The following PRKCE variants were observed in gnomAD, a reference collection of about 807,000 sequenced individuals.
PRKCE encodes the protein protein kinase C epsilon type.
A neutral mutation model predicts 85.4 loss-of-function variants in PRKCE; 16 were observed. The ratio of observed to expected loss-of-function variants is 0.19; its 90% CI spans 0.13 to 0.28. PRKCE has a LOEUF of 0.28. Among genes scored for constraint, PRKCE ranks in the 10% least tolerant of loss-of-function variants. PRKCE has a pLI of 1.00. For synonymous variants in PRKCE, 388 were observed against 371.5 expected (o/e 1.04, Z -0.51); for missense variants, 573 against 975.2 (o/e 0.59, Z 5.49).
chr2:46,083,426 T>C lies in PRKCE; in HGVS notation c.1438-2782T>C, dbSNP rs1318628788. Among the ~76,000 whole-genome samples the C allele has an allele frequency of 2.6e-5, 4 of 152,162 alleles. No homozygotes were observed. In the East Asian group the frequency reaches 7.7e-4, roughly 29 times the overall value. ...TAGAATAAAAAGCATCCAGGGAGGA[T>C]GATGGGGAGGGGAGATTTTTTCCCC... On this transcript the variant is annotated intron_variant, in intron 10 of 14. Coordinates refer to ENST00000306156, the MANE Select transcript of PRKCE (RefSeq NM_005400.3).
intron 10 of PRKCE, among the ~76,000 whole-genome samples, chr2:46,071,732 A>G (rs1404815742): frequency 1.3e-5 from 2 of 152,238 alleles, no homozygotes; most frequent in African/African-American, 2.4e-5. Context: ...TAACGAATTT[A>G]TGTGTTTAGA....
intron 2 of PRKCE, among the ~76,000 whole-genome samples, chr2:45,843,798 G>A (rs1246593396): frequency 1.3e-5 from 2 of 152,236 alleles, no homozygotes; most frequent in African/African-American, 2.4e-5. Context: ...GGACTGAAAT[G>A]TAGTTATTGT....
At chr2:45,886,687 A>G (rs1292126851) in intron 2 of PRKCE, among the ~76,000 whole-genome samples, 1 of 152,226 alleles carries the variant, frequency 6.6e-6, no homozygotes, top group African/African-American at 2.4e-5. Context: ...ATGCTTGGCT[A>G]TAATCTAAAG....
intron 1 of PRKCE, among the ~76,000 whole-genome samples, chr2:45,834,608 G>T (rs755005619): frequency 6.6e-6 from 1 of 152,084 alleles, no homozygotes; most frequent in Non-Finnish European, 1.5e-5. Flanking sequence ...GTGTGTGTGT[G>T]TGTGTGTACA....
intron 11 of PRKCE, among the ~76,000 whole-genome samples, chr2:46,111,370 A>C (rs1191116566): frequency 6.6e-6 from 1 of 152,180 alleles, no homozygotes; most frequent in East Asian, 1.9e-4. Context: ...TCATGCATTT[A>C]GAGTATACAA....
rs963887338 is a variant in PRKCE, at chr2:45,723,226, T to A, written c.348+70778T>A. Among the ~76,000 whole-genome samples, 8 of 152,210 alleles carry A rather than the reference T, an allele frequency of 5.3e-5. 1 individual carries two copies. The highest frequency in any genetic ancestry group is 4.6e-4 in the Admixed American group (7 of 15,282). On this transcript the variant is annotated intron_variant, in intron 1 of 14. Coordinates refer to ENST00000306156, the MANE Select transcript of PRKCE (RefSeq NM_005400.3). ...TCAGTCCACATGGTTTACACGTGGT[T>A]ATTCTTCCCCTAGAGATTCTTGTAG... is the stretch of plus-strand genomic sequence containing the variant.
intron 10 of PRKCE, among the ~76,000 whole-genome samples, chr2:46,076,083 A>G (rs1002430512): frequency 1.3e-5 from 2 of 152,258 alleles, no homozygotes; most frequent in Non-Finnish European, 2.9e-5. Flanking sequence ...AGGAAAAGAA[A>G]GAGTCTCTGC....
At chr2:46,070,648 AAAAAC>A (rs1475292613) in intron 10 of PRKCE, among the ~76,000 whole-genome samples, 2 of 151,288 alleles carry the variant, frequency 1.3e-5, no homozygotes, top group African/African-American at 2.4e-5. Context: ...GTCTCAAAAA[AAAAAC>A]AAAAACAAAA....
At chr2:45,757,021 C>G (rs551693032) in intron 1 of PRKCE, among the ~76,000 whole-genome samples, 2 of 152,032 alleles carry the variant, frequency 1.3e-5, no homozygotes, top group African/African-American at 2.4e-5. Context: ...GAGGCCGAGG[C>G]GGGTGGATCA....
At chr2:45,713,993 G>A (rs1039020234) in intron 1 of PRKCE, among the ~76,000 whole-genome samples, 2 of 152,190 alleles carry the variant, frequency 1.3e-5, no homozygotes, top group Non-Finnish European at 2.9e-5. Context: ...TTGACATAAA[G>A]TTATGTTCTT....
At chr2:45,796,429 A>G (rs1318125518) in intron 1 of PRKCE, among the ~76,000 whole-genome samples, 3 of 152,254 alleles carry the variant, frequency 2.0e-5, no homozygotes, top group Admixed American at 1.3e-4. Context: ...TTATGAGAAC[A>G]ATGCTTGGTG....
Position 46,187,695 on chromosome 2 carries a change from A to G in PRKCE, c.*2814A>G, listed in dbSNP as rs1680546378. The G allele has an allele frequency of 6.6e-6, 1 of 152,422 alleles. No individual in the cohort carries two copies. The highest frequency in any genetic ancestry group is 1.5e-5 in the Non-Finnish European group (1 of 67,994). The allele number at this position is 152,422 out of a possible 1,614,324, so 9.4% of individuals were successfully genotyped here. A position where few individuals can be genotyped will look rare whatever the true frequency, so the allele number is the denominator to read the frequency against. The stretch of plus-strand genomic sequence containing the variant: ...TAATTTTTTTTCCTCCAAAGGTGAA[A>G]AAACAATGCATTCTTGCTTTAAAAA... On this transcript the variant is annotated 3_prime_UTR_variant, in exon 15 of 15. Transcript: ENST00000306156.
At chr2:45,833,384 A>C (rs940027309) in intron 1 of PRKCE, among the ~76,000 whole-genome samples, 1 of 152,168 alleles carries the variant, frequency 6.6e-6, no homozygotes, top group Non-Finnish European at 1.5e-5. Context: ...CTGAATCAAG[A>C]GCTGTGGAAT....
At chr2:45,667,981 A>T (rs1055003121) in intron 1 of PRKCE, among the ~76,000 whole-genome samples, 1 of 152,154 alleles carries the variant, frequency 6.6e-6, no homozygotes, top group Non-Finnish European at 1.5e-5. Flanking sequence ...CTGTAAAACT[A>T]AGTCAGTACT....
chr2:46,004,235 G>T lies in PRKCE; in HGVS notation c.967-307G>T. 2.8e-6 allele frequency: 1 copy of T among 357,964 alleles called. No homozygotes were observed. Among genetic ancestry groups the T allele is most frequent in the Non-Finnish European group, 5.4e-6 (1 of 184,166 alleles). 22.2% of individuals were successfully genotyped at this position (357,964 alleles called of 1,614,324 possible). A position where few individuals can be genotyped will look rare whatever the true frequency, so the allele number is the denominator to read the frequency against. The stretch of plus-strand genomic sequence containing the variant: ...CCCGAACTACTTCATCCTTTTGGAT[G>T]GGGTTGGATCAAACATTGTACCTCT... On this transcript the variant is annotated intron_variant, in intron 7 of 14. Transcript: ENST00000306156. This position sits in a 1 kb window ranked among gnomAD's most constrained non-coding sequence, Gnocchi z 4.1.
chr2:46,143,293 C>T (rs994050641), intron 11 of PRKCE, among the ~76,000 whole-genome samples: 1 of 151,926 alleles, frequency 6.6e-6, no homozygotes, highest in African/African-American at 2.4e-5. Context: ...TTGTGCTGAT[C>T]GTGTGTGTCA....
intron 2 of PRKCE, among the ~76,000 whole-genome samples, chr2:45,911,486 C>G (rs1052901637): frequency 6.6e-6 from 1 of 152,200 alleles, no homozygotes; most frequent in Non-Finnish European, 1.5e-5. Flanking sequence ...GAGGCCATAC[C>G]TCTGGGCTAA....
chr2:45,901,401 A>G (rs949939789), intron 2 of PRKCE, among the ~76,000 whole-genome samples: 1 of 152,214 alleles, frequency 6.6e-6, no homozygotes, highest in African/African-American at 2.4e-5. Flanking sequence ...TTTCTCATGT[A>G]ATATTTTTAG....
At chr2:45,743,921 C>T (rs913027078) in intron 1 of PRKCE, among the ~76,000 whole-genome samples, 5 of 151,470 alleles carry the variant, frequency 3.3e-5, no homozygotes, top group African/African-American at 1.2e-4. Context: ...TGGTGAAGGG[C>T]GAACAGACCT....
Sources: gnomAD v4.1 joint callset for allele counts (sites outside exome capture counted in the v4.1 genomes callset) on GRCh38, gnomAD v4.1.1 for gene constraint, Gnocchi (gnomAD v3.1) non-coding constraint, MANE v1.5 for transcripts, NCBI Gene and HGNC (gene_info 2026-07-23, HGNC 2026-07-21) for gene names.